FAM50A: variants seen among roughly 807,000 people sequenced by gnomAD.
The protein encoded by FAM50A is protein FAM50A.
In FAM50A, 6 loss-of-function variants were observed where a neutral mutation model predicts 35.5. That is an observed-to-expected ratio of 0.17 (90% CI 0.09 to 0.33). FAM50A has a LOEUF of 0.33. Among genes scored for constraint, FAM50A ranks in the 10% least tolerant of loss-of-function variants. The pLI, the probability that FAM50A is intolerant of heterozygous loss-of-function variation, is 1.00. For synonymous variants in FAM50A, 120 were observed against 110.9 expected, an observed-to-expected ratio of 1.08 and a Z score of -0.52; for missense variants, 145 against 295.5, an observed-to-expected ratio of 0.49 and a Z score of 3.73.
At chrX:154,450,383 C>G in intron 12 of FAM50A, 41 bp from the exon 13 acceptor site, 1 of 1,210,672 alleles carries the variant, frequency 8.3e-7, no homozygotes, top group Non-Finnish European at 1.1e-6. Flanking sequence ...GCTCACCCCT[C>G]GCCTTCCTTG....
chrX:154,445,400 G>T (rs1557199675), intron 1 of FAM50A: 1 of 436,467 alleles, frequency 2.3e-6, no homozygotes. Flanking sequence ...GTGGCTTCAG[G>T]CTACTGAGGG....
intron 1 of FAM50A, among the ~76,000 whole-genome samples, chrX:154,445,081 C>T (rs1354615060): frequency 5.4e-5 from 6 of 111,194 alleles, no homozygotes; most frequent in African/African-American, 1.3e-4. Context: ...ATGCCCTGGC[C>T]GCACTGTCTG....
chrX:154,448,370 G>A, intron 4 of FAM50A, 114 bp from the exon 5 acceptor site: 1 of 627,181 alleles, frequency 1.6e-6, no homozygotes, highest in Non-Finnish European at 2.6e-6. Flanking sequence ...GCCCGCCCTA[G>A]GCTTGTCTTC....
At chrX:154,445,307 C>T in intron 1 of FAM50A, 2 of 283,231 alleles carry the variant, frequency 7.1e-6, no homozygotes, top group Middle Eastern at 1.1e-3. Context: ...CTTGTTTGCC[C>T]TCTCCTCATA....
intron 11 of FAM50A, 32 bp downstream of exon 11, chrX:154,450,131 G>GGA: frequency 8.3e-7 from 1 of 1,199,376 alleles, no homozygotes; most frequent in Non-Finnish European, 1.1e-6. Flanking sequence ...GAGGGGGAAC[G>GGA]GGTGTCCCTG....
intron 9 of FAM50A, 23 bp from the exon 10 acceptor site, chrX:154,449,860 G>A (rs1557200313): frequency 1.2e-5 from 14 of 1,208,383 alleles, no homozygotes; most frequent in African/African-American, 1.8e-5. Context: ...TCAAGACGCC[G>A]CTTTCCTGCC....
chrX:154,446,166 T>G, intron 3 of FAM50A: 1 of 445,619 alleles, frequency 2.2e-6, no homozygotes, highest in East Asian at 3.7e-5. Flanking sequence ...CTGAGCAGCC[T>G]GCGTTCTCCC....
At position 154,445,865 on chromosome X, in the gene FAM50A, C is replaced by T; in HGVS notation, c.250C>T (p.Arg84Trp). The change falls in exon 3 of 13, where the codon CGG becomes TGG. Residue 84 changes from arginine to tryptophan, a missense_variant. Coordinates refer to ENST00000393600, the MANE Select transcript of FAM50A (RefSeq NM_004699.4). ...KAKQEALVKE[R>W]EKQLAKKEQS... ...CAAGCAGGAGGCTCTGGTGAAGGAG[C>T]GGGAGAAGCAGCTGGCCAAGAAGGA... The T allele has an allele frequency of 8.3e-7, 1 of 1,210,544 alleles. No homozygotes were observed. Among genetic ancestry groups the T allele is most frequent in the Non-Finnish European group, 1.1e-6 (1 of 894,680 alleles).
chrX:154,444,256 C>A lies in FAM50A; in HGVS notation c.21C>A (p.Ala7=). The A allele has an allele frequency of 9.3e-7, 1 of 1,077,935 alleles. No individual in the cohort carries two copies. Among genetic ancestry groups the A allele is most frequent in the Non-Finnish European group, 1.2e-6 (1 of 825,202 alleles). The allele number at this position is 1,077,935 out of a possible 1,213,427, so 88.8% of individuals were successfully genotyped here. A position where few individuals can be genotyped will look rare whatever the true frequency, so the allele number is the denominator to read the frequency against. ...CTGCCATGGCTCAATACAAGGGCGC[C>A]GCGAGCGAGGCCGGCCGCGCCATGC... MAQYKG[A]ASEAGRAMHL... is the part of the protein sequence containing the mutation. The change falls in exon 1 of 13, where the codon GCC becomes GCA. Residue 7 remains alanine (A), a synonymous_variant. Transcript: ENST00000393600.
Position 154,448,744 on chromosome X carries a change from G to A in FAM50A, c.574G>A (p.Glu192Lys). 5.8e-6 allele frequency: 7 copies of A among 1,210,191 alleles called. No homozygotes were observed. The highest frequency in any genetic ancestry group is 7.8e-6 in the Non-Finnish European group (7 of 894,808). Residue 192 changes from glutamate (E) to lysine (K), a missense_variant, in exon 6 of 13, where the codon GAG (glutamate) becomes AAG (lysine). This residue lies in a region of FAM50A where 59 missense variants were observed against 164.5 expected (regional missense o/e 0.36). Transcript: ENST00000393600. Reference sequence around the variant, plus strand: ...GCGGCAGGAGTGGGAAGCCAAGCAGGAGAAGATCAAGAGTGAGTGTTTGCG... The same window carrying A: ...GCGGCAGGAGTGGGAAGCCAAGCAGAAGAAGATCAAGAGTGAGTGTTTGCG... ...ELRQEWEAKQ[E>K]KIKSEEIEIT...
At position 154,446,580 on chromosome X, in the gene FAM50A, G is replaced by A. The variant is rs1557199854; in HGVS notation, c.442+20G>A. On this transcript the variant is annotated intron_variant, in intron 4 of 12. Coordinates refer to ENST00000393600, the MANE Select transcript of FAM50A (RefSeq NM_004699.4). The stretch of plus-strand genomic sequence containing the variant: ...GGGAAGGTGAGGGCTGGCTTGAGTC[G>A]GAGCCCCGCCCGCAGCCCCTGGGGA... The A allele has an allele frequency of 1.8e-6, 2 of 1,130,275 alleles. No individual in the cohort carries two copies. The highest frequency in any genetic ancestry group is 2.3e-6 in the Non-Finnish European group (2 of 853,078). 93.1% of individuals were successfully genotyped at this position (1,130,275 alleles called of 1,213,427 possible).
chrX:154,448,422 G>A lies in FAM50A; in HGVS notation c.443-62G>A, dbSNP rs181814086. The A allele has an allele frequency of 2.0e-5, 20 of 1,006,439 alleles. No homozygotes were observed. The East Asian group carries it at 3.7e-4, about 18-fold the overall frequency. The allele number at this position is 1,006,439 out of a possible 1,213,427, so 82.9% of individuals were successfully genotyped here. On this transcript the variant is annotated intron_variant, in intron 4 of 12. Coordinates refer to ENST00000393600, the MANE Select transcript of FAM50A (RefSeq NM_004699.4). ...AAGGTATGCTTGGGGGACCCTGGGC[G>A]TCGGCCATATCAAAATCATTTTTAT...
Position 154,449,212 on chromosome X carries a change from C to T in FAM50A, c.649-9C>T, listed in dbSNP as rs369335857. On this transcript the variant is annotated splice_polypyrimidine_tract_variant and intron_variant, in intron 7 of 12. Coordinates refer to ENST00000393600, the MANE Select transcript of FAM50A (RefSeq NM_004699.4). ...CTTCCCTTCCCAACTCCTGGATTCCCGGATACAGATGAGAAAGGGCAACAC... is the reference window on the plus strand; with the variant it reads ...CTTCCCTTCCCAACTCCTGGATTCCTGGATACAGATGAGAAAGGGCAACAC... 7.1e-5 allele frequency: 85 copies of T among 1,205,188 alleles called. No individual in the cohort carries two copies. Among genetic ancestry groups the T allele is most frequent in the Non-Finnish European group, 8.7e-5 (77 of 889,756 alleles).
In FAM50A at chrX:154,446,432, G is replaced by A. The variant is rs372710907; in HGVS notation, c.314G>A (p.Arg105Gln). 6 of 1,209,583 alleles carry A rather than the reference G, an allele frequency of 5.0e-6. No homozygotes were observed. The South Asian group carries it at 5.3e-5, about 11-fold the overall frequency. Residue 105 changes from arginine (R) to glutamine (Q), a missense_variant, in exon 4 of 13, where the codon CGA (arginine) becomes CAA (glutamine). Coordinates refer to ENST00000393600, the MANE Select transcript of FAM50A (RefSeq NM_004699.4). ...CTCACTAGGAAGCTGGAGAAGCTTC[G>A]AGAGAAGGAGCGTAAGAAGGAAGCC... Reference protein sequence around the residue: ...KELQMKLEKLREKERKKEAKR... With the variant: ...KELQMKLEKLQEKERKKEAKR...
intron 3 of FAM50A, 80 bp downstream of exon 3, chrX:154,445,991 T>G (rs782639797): frequency 8.2e-6 from 6 of 734,568 alleles, no homozygotes; most frequent in Middle Eastern, 9.0e-4. Context: ...TTTTGCACCC[T>G]GGGGGGGACC....
rs1156256493 is a variant in FAM50A, at chrX:154,450,420, C to T, written c.1012-4C>T. Reference sequence around the variant, plus strand: ...CTCCTCTGCCCACCTTGTCCTCACACTAGATCCGCTGAGCATCCAGGAGGC... The same window carrying T: ...CTCCTCTGCCCACCTTGTCCTCACATTAGATCCGCTGAGCATCCAGGAGGC... On this transcript the variant is annotated splice_region_variant and splice_polypyrimidine_tract_variant and intron_variant, in intron 12 of 12. Transcript: ENST00000393600. 1 of 1,211,126 alleles carries T rather than the reference C, an allele frequency of 8.3e-7. No individual in the cohort carries two copies. The highest frequency in any genetic ancestry group is 1.1e-6 in the Non-Finnish European group (1 of 895,121).
chrX:154,444,710 C>T (rs2068775124), intron 1 of FAM50A: 1 of 120,464 alleles, frequency 8.3e-6, no homozygotes, highest in Non-Finnish European at 1.7e-5. Context: ...AGCCAGGCCT[C>T]TGCCCCCTCG....
At chrX:154,444,868 G>T (rs2068775902) in intron 1 of FAM50A, 1 of 112,721 alleles carries the variant, frequency 8.9e-6, no homozygotes, top group Non-Finnish European at 1.9e-5. Context: ...CTGTGAGGCA[G>T]GCACGACCCT....
intron 4 of FAM50A, among the ~76,000 whole-genome samples, chrX:154,447,410 G>A (rs1410733443): frequency 1.8e-5 from 2 of 111,282 alleles, no homozygotes; most frequent in African/African-American, 6.5e-5. Context: ...GGCTTTGAGG[G>A]GAGTGCAGGA....
Sources: gnomAD v4.1 joint callset for allele counts (sites outside exome capture counted in the v4.1 genomes callset) on GRCh38, gnomAD v4.1.1 for gene constraint, gnomAD v4.1.1 regional missense constraint, MANE v1.5 for transcripts, NCBI Gene and HGNC (gene_info 2026-07-23, HGNC 2026-07-21) for gene names.